Variants in CNTN6 observed in about 807,000 individuals in gnomAD.
The protein encoded by CNTN6 is contactin-6.
CNTN6 carries 137 observed loss-of-function variants against 122.8 expected under a neutral mutation model. The ratio of observed to expected loss-of-function variants is 1.12; its 90% CI spans 0.97 to 1.29. CNTN6 has a LOEUF of 1.29. Ranked by LOEUF, CNTN6 falls within the 50% of genes most tolerant of loss-of-function variation. The pLI, the probability that CNTN6 is intolerant of heterozygous loss-of-function variation, is 0.00. For synonymous variants in CNTN6, 570 were observed against 426.0 expected (o/e 1.34, Z -4.16); for missense variants, 1,634 against 1,223.4 (o/e 1.34, Z -5.01).
At chr3:1,287,538 G>C (rs1371858082) in intron 5 of CNTN6, among the ~76,000 whole-genome samples, 3 of 152,090 alleles carry the variant, frequency 2.0e-5, no homozygotes, top group African/African-American at 7.2e-5. Flanking sequence ...AAGAATTGGA[G>C]GTTTCCTAGC....
chr3:1,242,563 G>A (rs992303385), intron 4 of CNTN6, among the ~76,000 whole-genome samples: 19 of 152,158 alleles, frequency 1.2e-4, no homozygotes, highest in African/African-American at 2.4e-4. Context: ...GGCGTTGAGC[G>A]GGGTAAGGGT....
intron 1 of CNTN6, among the ~76,000 whole-genome samples, chr3:1,138,273 A>G (rs1249375531): frequency 6.6e-6 from 1 of 152,192 alleles, no homozygotes; most frequent in Non-Finnish European, 1.5e-5. Flanking sequence ...AAGTCATGCC[A>G]GATTTTTAGC....
intron 15 of CNTN6, 55 bp downstream of exon 15, chr3:1,373,817 T>C: frequency 6.7e-7 from 1 of 1,500,198 alleles, no homozygotes; most frequent in South Asian, 1.4e-5. Flanking sequence ...AGTCCAATAA[T>C]TTTAATAAAT....
intron 4 of CNTN6, among the ~76,000 whole-genome samples, chr3:1,267,103 T>TA (rs1157327546): frequency 6.6e-6 from 1 of 151,810 alleles, no homozygotes; most frequent in Non-Finnish European, 1.5e-5. Flanking sequence ...AGCCTGAACT[T>TA]TCTTGTTACC....
chr3:1,203,502 A>G (rs1393755947), intron 2 of CNTN6, among the ~76,000 whole-genome samples: 1 of 152,240 alleles, frequency 6.6e-6, no homozygotes, highest in Non-Finnish European at 1.5e-5. Context: ...ATAGAATTCA[A>G]CTGAAGAAGG....
chr3:1,353,716 G>T (rs1233698687), intron 12 of CNTN6, among the ~76,000 whole-genome samples: 1 of 151,638 alleles, frequency 6.6e-6, no homozygotes, highest in Non-Finnish European at 1.5e-5. Flanking sequence ...GGGAAAAAAA[G>T]ATATTTATTA....
intron 2 of CNTN6, among the ~76,000 whole-genome samples, chr3:1,176,606 T>C (rs1000611612): frequency 6.6e-6 from 1 of 152,274 alleles, no homozygotes; most frequent in African/African-American, 2.4e-5. Context: ...AATTTATAAC[T>C]CTTGATTATT....
chr3:1,124,648 T>C (rs914603547), intron 1 of CNTN6, among the ~76,000 whole-genome samples: 1 of 151,692 alleles, frequency 6.6e-6, no homozygotes, highest in African/African-American at 2.4e-5. Context: ...AAAGAACTTA[T>C]ACATGTAACA....
chr3:1,257,369 C>G (rs2094776455), intron 4 of CNTN6, among the ~76,000 whole-genome samples: 1 of 152,064 alleles, frequency 6.6e-6, no homozygotes, highest in South Asian at 2.1e-4. Flanking sequence ...TTCAATTTCT[C>G]TCTCATTTTC....
rs1208885172 is a variant in CNTN6, at chr3:1,268,566, C to G, written c.359-9847C>G. 2.3e-4 allele frequency among the ~76,000 whole-genome samples: 31 copies of G among 137,178 alleles called. 1 individual carries two copies. The East Asian group carries it at 5.6e-3, about 25-fold the overall frequency. The allele number at this position is 137,178 out of a possible 152,430, so 90.0% of individuals were successfully genotyped here. A position where few individuals can be genotyped will look rare whatever the true frequency, so the allele number is the denominator to read the frequency against. On this transcript the variant is annotated intron_variant, in intron 4 of 22. Coordinates refer to ENST00000446702, the MANE Select transcript of CNTN6 (RefSeq NM_001289080.2). ...AGCTTGCAGTGAGCCGAGATTGAGCCACTGCACTCCAGCCTGGGCGACAGA... is the reference window on the plus strand; with the variant it reads ...AGCTTGCAGTGAGCCGAGATTGAGCGACTGCACTCCAGCCTGGGCGACAGA...
chr3:1,233,725 A>C (rs2094385780), intron 4 of CNTN6, among the ~76,000 whole-genome samples: 1 of 116,986 alleles, frequency 8.5e-6, no homozygotes, highest in Non-Finnish European at 1.7e-5. Context: ...ACAGAACGAG[A>C]CTCTGTCTCA....
chr3:1,357,492 T>C (rs1299575832), intron 12 of CNTN6, among the ~76,000 whole-genome samples: 2 of 151,926 alleles, frequency 1.3e-5, no homozygotes, highest in African/African-American at 4.8e-5. Context: ...ACTTTCAGAG[T>C]AATGCTTTGA....
chr3:1,224,660 C>T (rs2094255094), intron 3 of CNTN6, among the ~76,000 whole-genome samples: 1 of 152,116 alleles, frequency 6.6e-6, no homozygotes, highest in Non-Finnish European at 1.5e-5. Context: ...CACCAACAGG[C>T]ACAAGCGCGC....
intron 20 of CNTN6, among the ~76,000 whole-genome samples, chr3:1,391,567 G>A (rs1309422252): frequency 1.6e-4 from 23 of 145,062 alleles, no homozygotes; most frequent in Non-Finnish European, 3.4e-4. Context: ...CAATTAGGCA[G>A]GAGAAGGAAA....
At chr3:1,296,661 T>C (rs1017395752) in intron 6 of CNTN6, among the ~76,000 whole-genome samples, 3 of 152,140 alleles carry the variant, frequency 2.0e-5, no homozygotes, top group Non-Finnish European at 2.9e-5. Flanking sequence ...ACAAGTCCCA[T>C]AGAAGGAGTT....
At chr3:1,157,022 TTTTTTTA>T in intron 2 of CNTN6, among the ~76,000 whole-genome samples, 1 of 151,746 alleles carries the variant, frequency 6.6e-6, no homozygotes, top group African/African-American at 2.4e-5. Context: ...TGCCTCTTTT[TTTTTTTA>T]TTTTTAATTT....
intron 19 of CNTN6, among the ~76,000 whole-genome samples, chr3:1,384,792 T>C (rs370007523): frequency 0.064 from 7,188 of 111,722 alleles, 661 homozygotes; most frequent in African/African-American, 0.22. Context: ...TATATATATA[T>C]ATATACACAC....
intron 1 of CNTN6, among the ~76,000 whole-genome samples, chr3:1,108,086 A>G (rs2091310388): frequency 6.6e-6 from 1 of 152,082 alleles, no homozygotes; most frequent in Non-Finnish European, 1.5e-5. Flanking sequence ...TTTCAATTTT[A>G]TTTCTAATAA....
At chr3:1,376,812 A>G (rs1208730750) in intron 16 of CNTN6, among the ~76,000 whole-genome samples, 193 bp from the exon 17 acceptor site, 7 of 152,166 alleles carry the variant, frequency 4.6e-5, no homozygotes, top group Admixed American at 4.6e-4. Flanking sequence ...GTGCTCATGT[A>G]TCAAACACAA....
Sources: allele counts gnomAD v4.1 joint callset (sites outside exome capture counted in the v4.1 genomes callset), GRCh38; gene constraint gnomAD v4.1.1; transcripts MANE v1.5; gene names NCBI Gene and HGNC (gene_info 2026-07-23, HGNC 2026-07-21).